The following CSAD variants were observed in gnomAD, a reference collection of about 807,000 sequenced individuals.
CSAD encodes P-selectin cytoplasmic tail-associated protein.
A neutral mutation model predicts 61.5 loss-of-function variants in CSAD; 47 were observed. The observed-to-expected ratio is 0.76, with a 90% CI of 0.60 to 0.97. CSAD has a LOEUF of 0.97. Ranked by LOEUF, CSAD falls within the 50% of genes least tolerant of loss-of-function variation. The probability of loss-of-function intolerance (pLI) is 0.00; values close to 1 mark genes in which losing one functional copy is unlikely to be tolerated. For missense variants in CSAD, 611 were observed against 643.6 expected, an observed-to-expected ratio of 0.95 and a Z score of 0.55; for synonymous variants, 245 against 252.7, an observed-to-expected ratio of 0.97 and a Z score of 0.29.
intron 2 of CSAD, among the ~76,000 whole-genome samples, chr12:53,177,395 A>G (rs1190164680): frequency 6.6e-6 from 1 of 152,260 alleles, no homozygotes; most frequent in East Asian, 1.9e-4. Context: ...GACGACAAAG[A>G]ATAGTTATTA....
intron 10 of CSAD, among the ~76,000 whole-genome samples, chr12:53,168,662 T>C (rs1940196883): frequency 6.6e-6 from 1 of 152,182 alleles, no homozygotes. Context: ...ACTCTAATAA[T>C]AGTAATAAAT....
At chr12:53,170,237 G>A in intron 9 of CSAD, 111 bp from the exon 10 acceptor site, 1 of 1,100,180 alleles carries the variant, frequency 9.1e-7, no homozygotes, top group South Asian at 1.3e-5. Context: ...CTCAGGGGGT[G>A]AAACAGATCT....
chr12:53,180,490 G>C, intron 1 of CSAD: 1 of 1,224,748 alleles, frequency 8.2e-7, no homozygotes, highest in South Asian at 1.4e-5. Flanking sequence ...CGGCCGGGGC[G>C]CGCCCCGGCC....
At chr12:53,176,985 C>T (rs1208192169) in intron 2 of CSAD, among the ~76,000 whole-genome samples, 1 of 152,150 alleles carries the variant, frequency 6.6e-6, no homozygotes, top group Non-Finnish European at 1.5e-5. Context: ...CCCACCTCAG[C>T]CTCCCAAAGC....
chr12:53,180,627 T>C (rs1161923258), intron 1 of CSAD, 105 bp downstream of exon 1: 4 of 1,283,378 alleles, frequency 3.1e-6, no homozygotes, highest in East Asian at 1.2e-4. Flanking sequence ...CCCGCTAGTC[T>C]AGCTGCCGAG....
chr12:53,180,877 G>A lies in CSAD; in HGVS notation c.-236C>T. ...CAAAGACCGCAGCGTCGTCCGTACA[G>A]ACGGCAGCGCTTCAGTAGCTCGCAA... On this transcript the variant is annotated 5_prime_UTR_variant, in exon 1 of 17. Coordinates refer to ENST00000444623, the MANE Select transcript of CSAD (RefSeq NM_001244705.2). 8.3e-7 allele frequency: 1 copy of A among 1,209,924 alleles called. No individual in the cohort carries two copies. The highest frequency in any genetic ancestry group is 1.1e-6 in the Non-Finnish European group (1 of 947,894). The allele number at this position is 1,209,924 out of a possible 1,614,324, so 74.9% of individuals were successfully genotyped here.
At position 53,166,030 on chromosome 12, in the gene CSAD, C is replaced by G. The variant is rs532906132; in HGVS notation, c.702+4042G>C. The stretch of plus-strand genomic sequence containing the variant: ...AGACATTCTGCTAAGTGAAATAAGC[C>G]AATCGAAAAAGACAAATACCACCGG... On this transcript the variant is annotated intron_variant, in intron 10 of 16. Transcript: ENST00000444623. Among the ~76,000 whole-genome samples the G allele has an allele frequency of 7.9e-5, 12 of 152,192 alleles. No individual in the cohort carries two copies. In the South Asian group the frequency reaches 1.0e-3, roughly 13 times the overall value.
At chr12:53,168,359 A>T (rs1324896156) in intron 10 of CSAD, among the ~76,000 whole-genome samples, 1 of 152,202 alleles carries the variant, frequency 6.6e-6, no homozygotes, top group East Asian at 1.9e-4. Flanking sequence ...TGGGTGAATT[A>T]TATGTTAGGT....
In CSAD at chr12:53,180,785, C is replaced by T. The variant is rs1372324049; in HGVS notation, c.-144G>A. The T allele has an allele frequency of 5.5e-6, 7 of 1,273,190 alleles. No homozygotes were observed. The highest frequency in any genetic ancestry group is 7.1e-6 in the Non-Finnish European group (7 of 982,554). 78.9% of individuals were successfully genotyped at this position (1,273,190 alleles called of 1,614,324 possible). On this transcript the variant is annotated 5_prime_UTR_variant, in exon 1 of 17. Transcript: ENST00000444623. ...GTGGGGTTGGCAGGGTGTGCTGGGG[C>T]CTGGAGGAGGCGCCGCGCGGCCAGG...
chr12:53,174,295 G>A (rs376908734), intron 2 of CSAD, among the ~76,000 whole-genome samples: 4 of 141,586 alleles, frequency 2.8e-5, no homozygotes, highest in South Asian at 2.2e-4. Flanking sequence ...GCGACAGAGC[G>A]AGACTCCATC....
intron 10 of CSAD, among the ~76,000 whole-genome samples, chr12:53,165,164 G>A (rs1188698993): frequency 6.6e-6 from 1 of 152,058 alleles, no homozygotes; most frequent in East Asian, 1.9e-4. Flanking sequence ...TGGTAGAGAT[G>A]TGTCTCTACC....
chr12:53,159,068 A>C (rs1938924712), intron 16 of CSAD, among the ~76,000 whole-genome samples: 3 of 152,196 alleles, frequency 2.0e-5, no homozygotes, highest in Admixed American at 2.0e-4. Flanking sequence ...TGATAATATT[A>C]ATCTGTGCCC....
rs745542371 is a variant in CSAD at position 53,160,242 on chromosome 12, G to A, written c.1044C>T (p.Asp348=). The change falls in exon 14 of 17, where the codon GAC becomes GAT. Residue 348 remains aspartate (D), a synonymous_variant. Transcript: ENST00000444623. ...QQDKFYDVAL[D]TGDKVVQCGR... ...CACACTGCACCACCTTGTCTCCCGT[G>A]TCCAGAGCCACATCGTAGAACTTGT... 2 of 1,614,212 alleles carry A rather than the reference G, an allele frequency of 1.2e-6. No homozygotes were observed. The highest frequency in any genetic ancestry group is 3.3e-5 in the Admixed American group (2 of 60,032).
intron 10 of CSAD, chr12:53,164,297 GA>G: frequency 6.2e-6 from 1 of 161,048 alleles, no homozygotes; most frequent in Non-Finnish European, 1.4e-5. Context: ...TCAAAAAAGT[GA>G]AAAGTCCAAT....
At chr12:53,160,352 C>T (rs770998593) in intron 13 of CSAD, 33 bp from the exon 14 acceptor site, 3 of 1,601,248 alleles carry the variant, frequency 1.9e-6, no homozygotes, top group Non-Finnish European at 2.6e-6. Context: ...TCAGACCCTA[C>T]CCTCTCCACC....
intron 10 of CSAD, among the ~76,000 whole-genome samples, chr12:53,165,346 A>C (rs1242409444): frequency 3.3e-5 from 5 of 150,958 alleles, no homozygotes; most frequent in Admixed American, 1.3e-4. Context: ...CTCTCAAAAA[A>C]AAAACAAAAC....
chr12:53,172,437 C>G lies in CSAD; in HGVS notation c.254-1G>C, dbSNP rs1940699077. ...AGCTGGTTGAAGAACCGAGGGTGACCTGGAGAAGGAGAGTAAGCCAGGGAG... is the reference window on the plus strand; with the variant it reads ...AGCTGGTTGAAGAACCGAGGGTGACGTGGAGAAGGAGAGTAAGCCAGGGAG... On this transcript the variant is annotated splice_acceptor_variant, in intron 5 of 16. Coordinates refer to ENST00000444623, the MANE Select transcript of CSAD (RefSeq NM_001244705.2). LOFTEE classifies it high-confidence loss of function. 1.9e-6 allele frequency: 3 copies of G among 1,614,144 alleles called. No homozygotes were observed. Among genetic ancestry groups the G allele is most frequent in the Non-Finnish European group, 2.5e-6 (3 of 1,180,032 alleles).
In CSAD at chr12:53,158,676, G is replaced by A. The variant is rs761962698; in HGVS notation, c.1317C>T (p.Pro439=). 12 of 1,613,588 alleles carry A rather than the reference G, an allele frequency of 7.4e-6. No homozygotes were observed. The highest frequency in any genetic ancestry group is 2.2e-5 in the East Asian group (1 of 44,882). The stretch of plus-strand genomic sequence containing the variant: ...CCTTCACCATGCGCTCCTTGAGCAC[G>A]GGGGCCACCTGTGGAAGGGTGGAGA... The part of the protein sequence containing the change: ...DYHERLSKVA[P]VLKERMVKEG... Residue 439 remains proline, a synonymous_variant, in exon 17 of 17, where the codon CCC becomes CCT. Transcript: ENST00000444623.
chr12:53,172,123 GGT>G, intron 6 of CSAD, 135 bp from the exon 7 acceptor site: 1 of 730,950 alleles, frequency 1.4e-6, no homozygotes, highest in Non-Finnish European at 2.3e-6. Context: ...AGAACGAGTT[GGT>G]GACAGAACCA....
Sources: gnomAD v4.1 joint callset for allele counts (sites outside exome capture counted in the v4.1 genomes callset) on GRCh38, gnomAD v4.1.1 for gene constraint, MANE v1.5 for transcripts, NCBI Gene and HGNC (gene_info 2026-07-23, HGNC 2026-07-21) for gene names.